MYO18B: variants seen among roughly 807,000 people sequenced by gnomAD.
MYO18B encodes unconventional myosin-XVIIIb.
In MYO18B, 204 loss-of-function variants were observed where a neutral mutation model predicts 273.0. That is an observed-to-expected ratio of 0.75 (90% CI 0.67 to 0.84). The LOEUF (loss-of-function observed/expected upper bound fraction) is 0.84, where lower values mean the gene tolerates loss of function less well. Among genes scored for constraint, MYO18B ranks in the 40% least tolerant of loss-of-function variants. MYO18B has a pLI of 0.00. For missense variants in MYO18B, 3,212 were observed against 3,287.6 expected, an observed-to-expected ratio of 0.98 and a Z score of 0.56; for synonymous variants, 1,330 against 1,305.7, an observed-to-expected ratio of 1.02 and a Z score of -0.40.
At chr22:25,749,637 G>T (rs533693321) in intron 1 of MYO18B, among the ~76,000 whole-genome samples, 2 of 152,174 alleles carry the variant, frequency 1.3e-5, no homozygotes, top group African/African-American at 4.8e-5. Context: ...GCACACAGCA[G>T]TGTGGCCTGA....
In MYO18B at chr22:25,769,300, G is replaced by A. The variant is rs369855142; in HGVS notation, c.1384G>A (p.Glu462Lys). 6.3e-7 allele frequency: 1 copy of A among 1,580,890 alleles called. No individual in the cohort carries two copies. The highest frequency in any genetic ancestry group is 1.2e-5 in the South Asian group (1 of 86,294). ...AGDGAGALETELEGPSQPALE... is the reference protein window; with the variant it reads ...AGDGAGALETKLEGPSQPALE... ...TGATGGGGCTGGTGCCCTGGAGACA[G>A]AGCTGGAAGGACCCAGCCAGCCTGC... Residue 462 changes from glutamate to lysine, a missense_variant, in exon 4 of 44, where the codon GAG becomes AAG. Transcript: ENST00000335473.
chr22:25,826,767 T>C (rs2089507376), intron 14 of MYO18B, among the ~76,000 whole-genome samples: 1 of 152,152 alleles, frequency 6.6e-6, no homozygotes, highest in Admixed American at 6.6e-5. Context: ...TGAATTTAAA[T>C]AACTCTTCCT....
chr22:26,000,581 CTTT>C (rs59924200), intron 40 of MYO18B, among the ~76,000 whole-genome samples: 7 of 144,188 alleles, frequency 4.9e-5, no homozygotes, highest in Non-Finnish European at 9.0e-5. Context: ...GCCTGAAAGC[CTTT>C]TTTTTTTTTT....
At chr22:25,839,145 A>C (rs964444530) in intron 17 of MYO18B, among the ~76,000 whole-genome samples, 1 of 136,058 alleles carries the variant, frequency 7.3e-6, no homozygotes, top group African/African-American at 2.8e-5. Context: ...TATGTGTATG[A>C]GTGTGTATAT....
chr22:26,031,168 A>G (rs577631026), downstream of MYO18B: 1 of 379,720 alleles, frequency 2.6e-6, no homozygotes, highest in East Asian at 3.7e-5. Flanking sequence ...ACATTTAGGT[A>G]GCAAATGCTG....
At position 25,890,759 on chromosome 22, in the gene MYO18B, G is replaced by A. The variant is rs769150604; in HGVS notation, c.4318G>A (p.Ala1440Thr). 23 of 1,613,776 alleles carry A rather than the reference G, an allele frequency of 1.4e-5. 1 individual carries two copies. In the East Asian group the frequency reaches 4.0e-4, roughly 28 times the overall value. ...ATCACCCCATTCCCCATCTCAGATTGCTGACTTGACCTCTGACCTTGCCGA... is the reference window on the plus strand; with the variant it reads ...ATCACCCCATTCCCCATCTCAGATTACTGACTTGACCTCTGACCTTGCCGA... The part of the protein sequence containing the change: ...QNTDLLESKI[A>T]DLTSDLADER... The change falls in exon 26 of 44, where the codon GCT (alanine) becomes ACT (threonine). Residue 1440 changes from alanine to threonine, a missense_variant. Ala to Thr is a moderately conservative substitution (Grantham distance 58, BLOSUM62 0). Coordinates refer to ENST00000335473, the MANE Select transcript of MYO18B (RefSeq NM_032608.7).
rs868219016 is a variant in MYO18B at position 25,777,512 on chromosome 22, G to A, written c.1870-71G>A. On this transcript the variant is annotated intron_variant, in intron 7 of 43. Transcript: ENST00000335473. Reference sequence around the variant, plus strand: ...CAGATCTGGACCCTAGGCCTGGGGCGGGGCGCTGTCTTAGAATGCTCCCTA... The same window carrying A: ...CAGATCTGGACCCTAGGCCTGGGGCAGGGCGCTGTCTTAGAATGCTCCCTA... The A allele has an allele frequency of 1.3e-5, 18 of 1,403,486 alleles. No homozygotes were observed. The South Asian group carries it at 2.2e-4, about 17-fold the overall frequency. 86.9% of individuals were successfully genotyped at this position (1,403,486 alleles called of 1,614,324 possible).
intron 16 of MYO18B, among the ~76,000 whole-genome samples, chr22:25,833,800 C>T (rs1601835924): frequency 6.6e-6 from 1 of 152,202 alleles, no homozygotes; most frequent in Non-Finnish European, 1.5e-5. Context: ...ACAGGAGGTG[C>T]CCTGCCGGTG....
intron 25 of MYO18B, among the ~76,000 whole-genome samples, chr22:25,887,050 A>G (rs1242149005): frequency 4.6e-5 from 7 of 152,172 alleles, no homozygotes; most frequent in Non-Finnish European, 1.0e-4. Flanking sequence ...GCAAATTGCA[A>G]AGTATGGGAG....
chr22:25,817,296 TTC>T (rs763196966), intron 12 of MYO18B, among the ~76,000 whole-genome samples: 15 of 151,642 alleles, frequency 9.9e-5, no homozygotes, highest in Non-Finnish European at 2.2e-4. Flanking sequence ...TTCTGTCTCT[TTC>T]TCTCTCTTTC....
chr22:26,032,776 G>A (rs1936696857), downstream of MYO18B, among the ~76,000 whole-genome samples: 2 of 151,968 alleles, frequency 1.3e-5, no homozygotes, highest in African/African-American at 4.8e-5. Flanking sequence ...ACCTGCCTTG[G>A]CCTCCCAAAG....
intron 39 of MYO18B, among the ~76,000 whole-genome samples, chr22:25,984,582 G>C (rs772547657): frequency 6.6e-6 from 1 of 152,066 alleles, no homozygotes; most frequent in Non-Finnish European, 1.5e-5. Context: ...TTGACACCAG[G>C]AGTTTGAGAC....
intron 39 of MYO18B, among the ~76,000 whole-genome samples, chr22:25,968,518 C>A (rs1310821231): frequency 3.3e-5 from 5 of 152,036 alleles, no homozygotes; most frequent in Non-Finnish European, 7.4e-5. Flanking sequence ...TGCTTGTGTT[C>A]CTGCCTCCTG....
chr22:25,868,462 C>T (rs975096173), intron 22 of MYO18B, 77 bp downstream of exon 22: 8 of 1,226,538 alleles, frequency 6.5e-6, no homozygotes, highest in Admixed American at 2.1e-5. Context: ...TGTCCTACCT[C>T]AATTGTCTAT....
At chr22:25,849,543 G>A (rs575884168) in intron 20 of MYO18B, among the ~76,000 whole-genome samples, 11 of 152,020 alleles carry the variant, frequency 7.2e-5, no homozygotes, top group Admixed American at 5.9e-4. Flanking sequence ...TACCTACTAC[G>A]TACTAGACAC....
chr22:26,051,041 A>G, the MYO18B span, among the ~76,000 whole-genome samples: 1 of 152,130 alleles, frequency 6.6e-6, no homozygotes, highest in Admixed American at 6.5e-5. Flanking sequence ...GAGACAGGTC[A>G]CCTGCAGGAA....
chr22:26,006,238 C>T (rs567671096), intron 42 of MYO18B, among the ~76,000 whole-genome samples: 6 of 152,008 alleles, frequency 3.9e-5, no homozygotes, highest in African/African-American at 1.2e-4. Flanking sequence ...TTGTTTGGCA[C>T]CTGTTTGAAT....
At chr22:25,870,484 G>A (rs762585598) in intron 22 of MYO18B, among the ~76,000 whole-genome samples, 13 of 152,178 alleles carry the variant, frequency 8.5e-5, no homozygotes, top group African/African-American at 2.9e-4. Flanking sequence ...CACAGAAAAA[G>A]TAGAGTAAAA....
chr22:26,047,710 T>TA, the MYO18B span, among the ~76,000 whole-genome samples: 28 of 152,294 alleles, frequency 1.8e-4, no homozygotes, highest in Non-Finnish European at 3.1e-4. Context: ...AATAATTGTA[T>TA]ATATATAAAA....
Sources: gnomAD v4.1 joint callset for allele counts (sites outside exome capture counted in the v4.1 genomes callset) on GRCh38, gnomAD v4.1.1 for gene constraint, MANE v1.5 for transcripts, NCBI Gene and HGNC (gene_info 2026-07-23, HGNC 2026-07-21) for gene names.